The following PSMD1 variants were observed in gnomAD, a reference collection of about 807,000 sequenced individuals.
PSMD1 encodes the protein 26S proteasome non-ATPase regulatory subunit 1.
Under a neutral mutation model 119.0 loss-of-function variants are expected in PSMD1, and 18 were observed. That is an observed-to-expected ratio of 0.15 (90% CI 0.10 to 0.22). The LOEUF (loss-of-function observed/expected upper bound fraction) is 0.22. PSMD1 is among the 10% of genes least tolerant of loss of function. PSMD1 has a pLI of 1.00. For synonymous variants in PSMD1, 374 were observed against 396.6 expected (o/e 0.94, Z 0.68); for missense variants, 702 against 1,158.5 (o/e 0.61, Z 5.72).
chr2:231,085,107 A>G lies in PSMD1; in HGVS notation c.1811A>G (p.His604Arg). 1 of 1,613,044 alleles carries G rather than the reference A, an allele frequency of 6.2e-7. No individual in the cohort carries two copies. The highest frequency in any genetic ancestry group is 8.5e-7 in the Non-Finnish European group (1 of 1,178,990). Residue 604 changes from histidine (H) to arginine (R), a missense_variant, in exon 15 of 25, where the codon CAT (histidine) becomes CGT (arginine). Coordinates refer to ENST00000308696, the MANE Select transcript of PSMD1 (RefSeq NM_002807.4). The part of the protein sequence containing the change: ...GNNKAIRRLL[H>R]VAVSDVNDDV... ...AACAAAGCAATTCGACGCCTGCTAC[A>G]TGTTGCTGTAAGTACTCTGACCTTT...
At chr2:231,121,091 A>G (rs1695524694) in intron 16 of PSMD1, among the ~76,000 whole-genome samples, 1 of 152,250 alleles carries the variant, frequency 6.6e-6, no homozygotes, top group Admixed American at 6.5e-5. Flanking sequence ...AAATTGAATT[A>G]TGCTTTAAAT....
Position 231,075,368 on chromosome 2 carries a change from T to C in PSMD1, c.882-143T>C, listed in dbSNP as rs1694135363. The C allele has an allele frequency of 6.4e-6, 4 of 625,236 alleles. No individual in the cohort carries two copies. In the Admixed American group the frequency reaches 1.0e-4, roughly 16 times the overall value. The allele number at this position is 625,236 out of a possible 1,614,324, so 38.7% of individuals were successfully genotyped here. On this transcript the variant is annotated intron_variant, in intron 7 of 24. Transcript: ENST00000308696. ...CTGGATTGCCTCCATCTTAGAGATG[T>C]GTAGAATTTTTTATTTCTTAATGGT...
chr2:231,117,779 A>C (rs1173999496), intron 16 of PSMD1, among the ~76,000 whole-genome samples: 1 of 152,150 alleles, frequency 6.6e-6, no homozygotes, highest in Non-Finnish European at 1.5e-5. Flanking sequence ...GATTTGTACA[A>C]GTATAGGTTG....
intron 8 of PSMD1, among the ~76,000 whole-genome samples, chr2:231,076,421 C>A (rs1262709666): frequency 6.6e-6 from 1 of 152,182 alleles, no homozygotes; most frequent in African/African-American, 2.4e-5. Flanking sequence ...AATCCCAGCA[C>A]TTTGGGAGGC....
At chr2:231,072,057 A>G in intron 6 of PSMD1, 132 bp from the exon 7 acceptor site, 1 of 683,040 alleles carries the variant, frequency 1.5e-6, no homozygotes, top group Non-Finnish European at 2.5e-6. Context: ...ATAGAGTGCT[A>G]GACTGGATAG....
intron 17 of PSMD1, among the ~76,000 whole-genome samples, chr2:231,145,966 G>T (rs11904445): frequency 0.15 from 21,707 of 149,084 alleles, 3,302 homozygotes; most frequent in African/African-American, 0.38. Context: ...GTTCTGTAAG[G>T]TTTTTTCTGT....
rs1249892456 is a variant in PSMD1 at position 231,094,001 on chromosome 2, T to C, written c.1883+6820T>C. 3.3e-5 allele frequency among the ~76,000 whole-genome samples: 5 copies of C among 152,194 alleles called. No individual in the cohort carries two copies. In the East Asian group the frequency reaches 7.7e-4, roughly 23 times the overall value. On this transcript the variant is annotated intron_variant, in intron 16 of 24. Coordinates refer to ENST00000308696, the MANE Select transcript of PSMD1 (RefSeq NM_002807.4). Reference sequence around the variant, plus strand: ...TATTGGGTGGACTCTCCAGGAAAAGTATGTGCACTAATTAACTGAGAATTG... The same window carrying C: ...TATTGGGTGGACTCTCCAGGAAAAGCATGTGCACTAATTAACTGAGAATTG...
At chr2:231,058,340 C>A (rs1448999893) in intron 1 of PSMD1, among the ~76,000 whole-genome samples, 1 of 152,150 alleles carries the variant, frequency 6.6e-6, no homozygotes, top group Non-Finnish European at 1.5e-5. Flanking sequence ...CGACCATTAC[C>A]TCCGTACAGC....
intron 21 of PSMD1, 47 bp from the exon 22 acceptor site, chr2:231,165,153 G>C: frequency 6.1e-6 from 9 of 1,464,010 alleles, no homozygotes; most frequent in Non-Finnish European, 8.3e-6. Context: ...TTGCATGTTT[G>C]TATGTCAGTA....
intron 20 of PSMD1, among the ~76,000 whole-genome samples, chr2:231,161,829 C>T (rs1477909675): frequency 6.6e-6 from 1 of 152,156 alleles, no homozygotes; most frequent in Non-Finnish European, 1.5e-5. Flanking sequence ...AGCCTGGGAA[C>T]TGTCGAAGGA....
chr2:231,130,813 T>C (rs1176481475), intron 16 of PSMD1, among the ~76,000 whole-genome samples: 2 of 152,210 alleles, frequency 1.3e-5, no homozygotes, highest in East Asian at 3.8e-4. Context: ...TATTGCTGAT[T>C]AAGGATTAGT....
chr2:231,123,589 A>C (rs772802837), intron 16 of PSMD1: 3 of 1,613,962 alleles, frequency 1.9e-6, no homozygotes, highest in Non-Finnish European at 1.7e-6. Flanking sequence ...GAGTATCAGA[A>C]GAGCTGCCCA....
Position 231,083,769 on chromosome 2 carries a change from ATCACATACGTCCC to A in PSMD1, c.1722+11_1722+23del, listed in dbSNP as rs746863127. On this transcript the variant is annotated splice_region_variant and intron_variant, in intron 14 of 24. Transcript: ENST00000308696. The stretch of plus-strand genomic sequence containing the variant: ...AATCTCTCTGTCGTGACAAGGTGAG[ATCACATACGTCCC>A]TCACTGTCCATTTATCTCCAGCATG... 1 of 1,613,828 alleles carries A rather than the reference ATCACATACGTCCC, an allele frequency of 6.2e-7. No homozygotes were observed. Among genetic ancestry groups the A allele is most frequent in the Non-Finnish European group, 8.5e-7 (1 of 1,179,780 alleles).
chr2:231,073,668 A>G (rs893967641), intron 7 of PSMD1, among the ~76,000 whole-genome samples: 13 of 151,860 alleles, frequency 8.6e-5, no homozygotes, highest in African/African-American at 3.1e-4. Flanking sequence ...TTTTTTTCTC[A>G]GTAGTGTTTT....
chr2:231,135,813 A>G (rs761561808), intron 16 of PSMD1, among the ~76,000 whole-genome samples: 2 of 152,160 alleles, frequency 1.3e-5, no homozygotes, highest in African/African-American at 4.8e-5. Flanking sequence ...TACTAGTGAC[A>G]ATTAGTATTA....
chr2:231,163,802 C>T, intron 21 of PSMD1, 75 bp downstream of exon 21: 1 of 1,078,334 alleles, frequency 9.3e-7, no homozygotes. Context: ...TTTTCTTTAA[C>T]TATCTTTTAT....
chr2:231,170,553 C>G lies in PSMD1; in HGVS notation c.2716-13C>G. On this transcript the variant is annotated splice_polypyrimidine_tract_variant and intron_variant, in intron 23 of 24. Transcript: ENST00000308696. The surrounding 1 kb of genome is among the most constrained non-coding windows in gnomAD (Gnocchi z 4.1). ...ATATGAGTGTACGCTTCTGCACGCC[C>G]CTGTGTTTCCAGCTCTCTATTGGAG... The G allele has an allele frequency of 6.2e-7, 1 of 1,604,840 alleles. No homozygotes were observed. Among genetic ancestry groups the G allele is most frequent in the African/African-American group, 1.3e-5 (1 of 74,434 alleles).
chr2:231,170,741 A>G lies in PSMD1; in HGVS notation c.*9+20A>G. The G allele has an allele frequency of 1.3e-6, 2 of 1,553,558 alleles. No homozygotes were observed. The highest frequency in any genetic ancestry group is 1.7e-6 in the Non-Finnish European group (2 of 1,150,468). The stretch of plus-strand genomic sequence containing the variant: ...CCAGAGGTGCGTGTGCAACAAAATT[A>G]TGAAGGGAAACTTCTTTGTCAATAC... On this transcript the variant is annotated intron_variant, in intron 24 of 24. Coordinates refer to ENST00000308696, the MANE Select transcript of PSMD1 (RefSeq NM_002807.4). The surrounding 1 kb of genome is among the most constrained non-coding windows in gnomAD (Gnocchi z 4.1).
rs1668296982 is a variant in PSMD1 at position 231,151,527 on chromosome 2, C to CCAA, written c.2116-2036_2116-2035insAAC. ...TTCTATTTAATATTAGTTAGATAAG[C>CCAA]CTATTGTATAGTTGGACTGATTTTT... On this transcript the variant is annotated intron_variant, in intron 18 of 24. Transcript: ENST00000308696. Among the ~76,000 whole-genome samples, 3 of 152,010 alleles carry CCAA rather than the reference C, an allele frequency of 2.0e-5. No homozygotes were observed. In the South Asian group the frequency reaches 6.2e-4, roughly 32 times the overall value.
Sources: allele counts gnomAD v4.1 joint callset (sites outside exome capture counted in the v4.1 genomes callset), GRCh38; gene constraint gnomAD v4.1.1; non-coding constraint Gnocchi (gnomAD v3.1); transcripts MANE v1.5; gene names NCBI Gene and HGNC (gene_info 2026-07-23, HGNC 2026-07-21).